TRIM24: variants seen among roughly 807,000 people sequenced by gnomAD.
TRIM24 encodes the protein transcription intermediary factor 1-alpha.
In TRIM24, 29 loss-of-function variants were observed where a neutral mutation model predicts 123.9. The ratio of observed to expected loss-of-function variants is 0.23; its 90% CI spans 0.17 to 0.32. The LOEUF (loss-of-function observed/expected upper bound fraction) is 0.32, where lower values mean the gene tolerates loss of function less well. TRIM24 is among the 10% of genes least tolerant of loss of function. TRIM24 has a pLI of 1.00. For missense variants in TRIM24, 932 were observed against 1,295.3 expected, an observed-to-expected ratio of 0.72 and a Z score of 4.31; for synonymous variants, 456 against 461.1, an observed-to-expected ratio of 0.99 and a Z score of 0.14.
intron 1 of TRIM24, among the ~76,000 whole-genome samples, chr7:138,480,861 A>G (rs2116476574): frequency 6.6e-6 from 1 of 152,238 alleles, no homozygotes; most frequent in East Asian, 1.9e-4. Flanking sequence ...TTTCCTAAGT[A>G]CCAGTTAGGT....
chr7:138,582,265 G>A (rs935097614), intron 17 of TRIM24, among the ~76,000 whole-genome samples: 1 of 152,140 alleles, frequency 6.6e-6, no homozygotes, highest in African/African-American at 2.4e-5. Context: ...GACTGTGGCC[G>A]GGCGCGGTGG....
intron 14 of TRIM24, among the ~76,000 whole-genome samples, chr7:138,578,561 T>TGTGTGTGTGCGC (rs1554445348): frequency 3.0e-5 from 3 of 99,512 alleles, no homozygotes. Context: ...TGTGTGTGTG[T>TGTGTGTGTGCGC]GTGCGCGCAC....
intron 1 of TRIM24, among the ~76,000 whole-genome samples, chr7:138,484,806 A>G (rs1458197999): frequency 6.6e-6 from 1 of 152,206 alleles, no homozygotes; most frequent in Non-Finnish European, 1.5e-5. Context: ...ATATGGTAGC[A>G]GTCAGGGACT....
At chr7:138,478,184 GA>G (rs1757357069) in intron 1 of TRIM24, among the ~76,000 whole-genome samples, 1 of 152,148 alleles carries the variant, frequency 6.6e-6, no homozygotes, top group Non-Finnish European at 1.5e-5. Context: ...AGGAGGGAAA[GA>G]TTTTTTGATG....
chr7:138,506,114 A>G (rs2116532711), intron 2 of TRIM24, among the ~76,000 whole-genome samples: 1 of 152,360 alleles, frequency 6.6e-6, no homozygotes. Context: ...GTAGAACTAC[A>G]GGAATTTAAG....
intron 6 of TRIM24, among the ~76,000 whole-genome samples, chr7:138,530,127 C>A (rs1226622830): frequency 6.6e-6 from 1 of 151,744 alleles, no homozygotes; most frequent in African/African-American, 2.4e-5. Context: ...TAAAATAATT[C>A]TCTGTTCTTT....
chr7:138,506,291 A>G (rs1796149690), intron 2 of TRIM24, among the ~76,000 whole-genome samples: 2 of 152,226 alleles, frequency 1.3e-5, no homozygotes, highest in African/African-American at 4.8e-5. Context: ...ACCCTTAAAG[A>G]AAGAAACATA....
chr7:138,498,568 C>A (rs532492461), intron 1 of TRIM24, among the ~76,000 whole-genome samples: 1 of 152,250 alleles, frequency 6.6e-6, no homozygotes, highest in African/African-American at 2.4e-5. Flanking sequence ...GTTTTATTTT[C>A]CTGTATATGT....
intron 11 of TRIM24, among the ~76,000 whole-genome samples, chr7:138,572,851 G>A (rs1259383144): frequency 2.0e-5 from 3 of 152,154 alleles, no homozygotes; most frequent in African/African-American, 7.2e-5. Context: ...ATTTTTGCCT[G>A]GCAATGAATA....
intron 2 of TRIM24, among the ~76,000 whole-genome samples, chr7:138,507,596 T>C (rs1417566656): frequency 1.3e-5 from 2 of 152,150 alleles, no homozygotes; most frequent in Non-Finnish European, 2.9e-5. Context: ...GTGCTGGGAT[T>C]ACAGGCATAA....
intron 9 of TRIM24, among the ~76,000 whole-genome samples, chr7:138,563,074 A>G (rs1284538686): frequency 1.3e-5 from 2 of 152,180 alleles, no homozygotes; most frequent in African/African-American, 2.4e-5. Context: ...TAGTGGTCCT[A>G]TGGATCGGGT....
chr7:138,530,467 A>C (rs1318928285), intron 6 of TRIM24, among the ~76,000 whole-genome samples: 1 of 151,690 alleles, frequency 6.6e-6, no homozygotes, highest in Non-Finnish European at 1.5e-5. Context: ...TCTTAAAATT[A>C]AAAAAAAATT....
chr7:138,575,525 A>G (rs1171026931), intron 12 of TRIM24, among the ~76,000 whole-genome samples: 2 of 150,272 alleles, frequency 1.3e-5, no homozygotes, highest in African/African-American at 2.5e-5. Flanking sequence ...TTTTAAATTA[A>G]ATTCTCCAGA....
At chr7:138,492,850 T>C (rs1227797794) in intron 1 of TRIM24, among the ~76,000 whole-genome samples, 1 of 152,246 alleles carries the variant, frequency 6.6e-6, no homozygotes, top group Admixed American at 6.5e-5. Context: ...TTATTCCATA[T>C]GTTTTTTGCC....
intron 10 of TRIM24, among the ~76,000 whole-genome samples, chr7:138,568,379 CTTTTTTTTTTTTTTTTTTTTTTTT>C (rs60386130): frequency 1.5e-5 from 1 of 68,682 alleles, no homozygotes; most frequent in East Asian, 6.2e-4. Context: ...ACCTGGCCTC[CTTTTTTTTTTTTTTTTTTTTTTTT>C]TTTTTTAAAG....
In TRIM24 at chr7:138,460,276, C is replaced by G. The variant is rs921124320; in HGVS notation, c.-273C>G. The G allele has an allele frequency of 5.5e-6, 2 of 365,400 alleles. No homozygotes were observed. The highest frequency in any genetic ancestry group is 7.8e-5 in the East Asian group (2 of 25,486). The allele number at this position is 365,400 out of a possible 1,614,324, so 22.6% of individuals were successfully genotyped here. A position where few individuals can be genotyped will look rare whatever the true frequency, so the allele number is the denominator to read the frequency against. On this transcript the variant is annotated 5_prime_UTR_variant, in exon 1 of 19. Transcript: ENST00000343526. ...GGCTGGGCGTATTCCACGAGCGCCT[C>G]GGCGGTTGGCGAAGCGGACGGGGTG...
intron 2 of TRIM24, among the ~76,000 whole-genome samples, chr7:138,508,708 C>CGT (rs61703393): frequency 0.11 from 14,418 of 135,628 alleles, 972 homozygotes; most frequent in Admixed American, 0.19. Context: ...CGCGTGTGTG[C>CGT]GTGTGTGTGT....
chr7:138,509,785 C>A (rs1352743397), intron 2 of TRIM24, among the ~76,000 whole-genome samples: 2 of 146,342 alleles, frequency 1.4e-5, no homozygotes, highest in African/African-American at 5.0e-5. Flanking sequence ...GATACAAATA[C>A]AATTCTTAAA....
At chr7:138,465,714 T>C (rs1161478947) in intron 1 of TRIM24, among the ~76,000 whole-genome samples, 1 of 152,192 alleles carries the variant, frequency 6.6e-6, no homozygotes, top group Non-Finnish European at 1.5e-5. Flanking sequence ...ATGATCTGTG[T>C]TACCTGTCAG....
Sources: gnomAD v4.1 joint callset for allele counts (sites outside exome capture counted in the v4.1 genomes callset) on GRCh38, gnomAD v4.1.1 for gene constraint, MANE v1.5 for transcripts, NCBI Gene and HGNC (gene_info 2026-07-23, HGNC 2026-07-21) for gene names.